The following LDLRAD4 variants were observed in gnomAD, a reference collection of about 807,000 sequenced individuals.
LDLRAD4 encodes the protein low density lipoprotein receptor class A domain containing 4.
Under a neutral mutation model 17.0 loss-of-function variants are expected in LDLRAD4, and 5 were observed. That is an observed-to-expected ratio of 0.29 (90% CI 0.15 to 0.62). LDLRAD4 has a LOEUF of 0.62. Among genes scored for constraint, LDLRAD4 ranks in the 20% least tolerant of loss-of-function variants. The pLI is 0.84. For missense variants in LDLRAD4, 340 were observed against 424.7 expected, an observed-to-expected ratio of 0.80 and a Z score of 1.75; for synonymous variants, 168 against 171.8, an observed-to-expected ratio of 0.98 and a Z score of 0.17.
chr18:13,356,014 C>T (rs966420677), intron 1 of LDLRAD4, among the ~76,000 whole-genome samples: 2 of 152,186 alleles, frequency 1.3e-5, no homozygotes, highest in African/African-American at 4.8e-5. Flanking sequence ...CATATAGGAG[C>T]AGGGGATTGA....
intron 3 of LDLRAD4, among the ~76,000 whole-genome samples, chr18:13,451,174 C>A (rs1457367259): frequency 6.6e-6 from 1 of 152,194 alleles, no homozygotes; most frequent in Non-Finnish European, 1.5e-5. Context: ...TGTTTCTAGT[C>A]TGTCTGGGCT....
At chr18:13,389,152 T>G (rs1013538409) in intron 2 of LDLRAD4, among the ~76,000 whole-genome samples, 1 of 152,222 alleles carries the variant, frequency 6.6e-6, no homozygotes, top group African/African-American at 2.4e-5. Flanking sequence ...TCTTCATACC[T>G]GCAGCCCAGC....
At chr18:13,310,077 C>T (rs979216757) in intron 1 of LDLRAD4, among the ~76,000 whole-genome samples, 1 of 151,796 alleles carries the variant, frequency 6.6e-6, no homozygotes, top group African/African-American at 2.4e-5. Flanking sequence ...TGGTGTCTCA[C>T]GCCAGGAATC....
intron 3 of LDLRAD4, among the ~76,000 whole-genome samples, chr18:13,610,293 T>C (rs56362191): frequency 0.014 from 941 of 67,544 alleles, 45 homozygotes; most frequent in African/African-American, 0.041. Context: ...TTTTTTTTTT[T>C]TTTTTTTTTT....
chr18:13,481,531 G>A (rs183168737), intron 3 of LDLRAD4, among the ~76,000 whole-genome samples: 1 of 152,138 alleles, frequency 6.6e-6, no homozygotes, highest in Non-Finnish European at 1.5e-5. Context: ...GGTGGCCCTC[G>A]AGCTGTGACC....
At chr18:13,272,578 C>T (rs906749141) in intron 1 of LDLRAD4, among the ~76,000 whole-genome samples, 1 of 152,250 alleles carries the variant, frequency 6.6e-6, no homozygotes, top group Non-Finnish European at 1.5e-5. Context: ...CCCTGGGTAT[C>T]ACCCCATGCC....
intron 1 of LDLRAD4, among the ~76,000 whole-genome samples, chr18:13,299,711 G>T (rs751373518): frequency 6.6e-6 from 1 of 152,060 alleles, no homozygotes; most frequent in Non-Finnish European, 1.5e-5. Context: ...GTATAGTGGT[G>T]CACAGCTGTA....
At chr18:13,611,334 G>A (rs186910841) in intron 3 of LDLRAD4, 1 of 269,928 alleles carries the variant, frequency 3.7e-6, no homozygotes, top group East Asian at 1.8e-4. Context: ...GGCTATTCTG[G>A]GCTCCCGGCA....
Position 13,387,744 on chromosome 18 carries a change from G to A in LDLRAD4, c.22G>A (p.Ala8Thr), listed in dbSNP as rs745489896. The stretch of plus-strand genomic sequence containing the variant: ...CAGTATGCCGGAAGCTGGTTTTCAG[G>A]CCACAAATGCTTTCACAGGTGAGCA... The change falls in exon 2 of 6, where the codon GCC (alanine) becomes ACC (threonine). Residue 8 changes from alanine (A) to threonine (T), a missense_variant. Physicochemically the swap from Ala to Thr is moderately conservative, Grantham distance 58. Transcript: ENST00000359446. 6.2e-7 allele frequency: 1 copy of A among 1,613,990 alleles called. No homozygotes were observed. Among genetic ancestry groups the A allele is most frequent in the Admixed American group, 1.7e-5 (1 of 60,020 alleles).
At chr18:13,450,335 C>CCA (rs1555691845) in intron 3 of LDLRAD4, among the ~76,000 whole-genome samples, 2 of 125,756 alleles carry the variant, frequency 1.6e-5, no homozygotes, top group African/African-American at 3.1e-5. Context: ...CACCCCCCCC[C>CCA]CCAAAAAAAC....
intron 3 of LDLRAD4, among the ~76,000 whole-genome samples, chr18:13,505,686 T>C (rs79372671): frequency 1.4e-4 from 3 of 21,032 alleles, no homozygotes; most frequent in South Asian, 4.5e-3. Flanking sequence ...GGCGTGGTGG[T>C]GGGCACCTGT....
At chr18:13,594,034 A>G (rs1033302535) in intron 3 of LDLRAD4, among the ~76,000 whole-genome samples, 3 of 152,050 alleles carry the variant, frequency 2.0e-5, no homozygotes, top group Admixed American at 1.3e-4. Context: ...TCCTCATGTA[A>G]TATTTGCATA....
chr18:13,452,073 A>G (rs532108824), intron 3 of LDLRAD4, among the ~76,000 whole-genome samples: 1 of 152,182 alleles, frequency 6.6e-6, no homozygotes, highest in Non-Finnish European at 1.5e-5. Context: ...TAGGCAGCCT[A>G]TGGTGAACGT....
At chr18:13,571,520 A>C (rs542644855) in intron 3 of LDLRAD4, among the ~76,000 whole-genome samples, 1 of 152,314 alleles carries the variant, frequency 6.6e-6, no homozygotes, top group East Asian at 1.9e-4. Flanking sequence ...GGGTCAGAGA[A>C]AACATGTTCT....
At chr18:13,547,482 C>G (rs577847718) in intron 3 of LDLRAD4, among the ~76,000 whole-genome samples, 3 of 152,170 alleles carry the variant, frequency 2.0e-5, no homozygotes, top group Non-Finnish European at 4.4e-5. Flanking sequence ...CCACTGGGCT[C>G]GTTCTGCCCA....
intron 3 of LDLRAD4, chr18:13,612,628 T>G: frequency 6.2e-7 from 1 of 1,608,692 alleles, no homozygotes; most frequent in Non-Finnish European, 8.5e-7. Context: ...GAGAGGAGAT[T>G]GCCGGAAGCT....
At chr18:13,578,827 C>CTTTTTTTTT (rs1003295658) in intron 3 of LDLRAD4, among the ~76,000 whole-genome samples, 875 of 65,692 alleles carry the variant, frequency 0.013, 223 homozygotes, top group Middle Eastern at 0.019. Flanking sequence ...TTGTCCGGGT[C>CTTTTTTTTT]TTTTTTTTTT....
chr18:13,485,816 C>T (rs1359536700), intron 3 of LDLRAD4, among the ~76,000 whole-genome samples: 1 of 152,190 alleles, frequency 6.6e-6, no homozygotes, highest in African/African-American at 2.4e-5. Context: ...GAGTTTGAAG[C>T]TTCAGTGAGC....
chr18:13,473,577 C>T lies in LDLRAD4; in HGVS notation c.181+35193C>T, dbSNP rs370270245. The stretch of plus-strand genomic sequence containing the variant: ...CTTGCTTGAGCCCAGTTGGAGGCTG[C>T]AGTGAGCTATGATCGTGTCACTACA... On this transcript the variant is annotated intron_variant, in intron 3 of 5. Coordinates refer to ENST00000359446, the Ensembl canonical transcript of LDLRAD4. Among the ~76,000 whole-genome samples, 239 of 140,266 alleles carry T rather than the reference C, an allele frequency of 1.7e-3. 1 individual carries two copies. Among genetic ancestry groups the T allele is most frequent in the African/African-American group, 6.0e-3 (227 of 37,872 alleles). 92.0% of individuals were successfully genotyped at this position (140,266 alleles called of 152,430 possible). A position where few individuals can be genotyped will look rare whatever the true frequency, so the allele number is the denominator to read the frequency against.
Sources: allele counts gnomAD v4.1 joint callset (sites outside exome capture counted in the v4.1 genomes callset), GRCh38; gene constraint gnomAD v4.1.1; transcripts MANE v1.5; gene names NCBI Gene and HGNC (gene_info 2026-07-23, HGNC 2026-07-21).